Variants in DOCK9 observed in about 807,000 individuals in gnomAD.
DOCK9 encodes the protein dedicator of cytokinesis 9.
DOCK9 carries 89 observed loss-of-function variants against 263.3 expected under a neutral mutation model. The ratio of observed to expected loss-of-function variants is 0.34; its 90% CI spans 0.28 to 0.40. The LOEUF is 0.40. DOCK9 is among the 10% of genes least tolerant of loss of function. The probability of loss-of-function intolerance (pLI) is 1.00; values close to 1 mark genes in which losing one functional copy is unlikely to be tolerated. For missense variants in DOCK9, 2,140 were observed against 2,603.4 expected, an observed-to-expected ratio of 0.82 and a Z score of 3.87; for synonymous variants, 976 against 973.1, an observed-to-expected ratio of 1.00 and a Z score of -0.06.
chr13:98,918,511 C>G (rs532828461), intron 7 of DOCK9, among the ~76,000 whole-genome samples: 1 of 152,016 alleles, frequency 6.6e-6, no homozygotes, highest in Non-Finnish European at 1.5e-5. Context: ...AATCAAGACA[C>G]AACAACCAAA....
intron 47 of DOCK9, among the ~76,000 whole-genome samples, chr13:98,808,388 C>A (rs1447651185): frequency 6.6e-6 from 1 of 152,164 alleles, no homozygotes; most frequent in Non-Finnish European, 1.5e-5. Flanking sequence ...TAGCACCAAT[C>A]ATGTTTGACT....
At chr13:98,951,903 C>CTTGTTTTTTTTTTTTT (rs766422212) in intron 2 of DOCK9, among the ~76,000 whole-genome samples, 13 of 134,912 alleles carry the variant, frequency 9.6e-5, no homozygotes, top group African/African-American at 3.0e-4. Context: ...TTAATATTCC[C>CTTGTTTTTTTTTTTTT]TTTTTTTTTT....
chr13:98,999,815 G>T lies in DOCK9; in HGVS notation c.130-44264C>A, dbSNP rs61575039. On this transcript the variant is annotated intron_variant, in intron 1 of 32. Transcript: ENST00000427887. ...AACTGGTCACAAAGAGTATGATTTG[G>T]ACAGAAGCCTGTATCCTTCTGTAAC... Among the ~76,000 whole-genome samples the T allele has an allele frequency of 9.7e-3, 1,477 of 152,212 alleles. 23 individuals are homozygous for T. Among genetic ancestry groups the T allele is most frequent in the African/African-American group, 0.034 (1,400 of 41,518 alleles).
At chr13:98,912,412 A>G (rs2050203631) in intron 9 of DOCK9, among the ~76,000 whole-genome samples, 1 of 152,210 alleles carries the variant, frequency 6.6e-6, no homozygotes, top group African/African-American at 2.4e-5. Flanking sequence ...TGCAAATTAT[A>G]CCTCAATAAA....
At chr13:98,864,732 A>C (rs2093970713) in intron 30 of DOCK9, among the ~76,000 whole-genome samples, 1 of 152,100 alleles carries the variant, frequency 6.6e-6, no homozygotes, top group African/African-American at 2.4e-5. Flanking sequence ...TCCCCTCTGA[A>C]TCTCATGTTG....
At chr13:98,832,086 G>C (rs1372710100) in intron 39 of DOCK9, 4 of 273,210 alleles carry the variant, frequency 1.5e-5, no homozygotes, top group Non-Finnish European at 2.1e-5. Context: ...TCCACCAGCA[G>C]CTGATACAGA....
intron 1 of DOCK9, among the ~76,000 whole-genome samples, chr13:98,971,013 C>G (rs2059678898): frequency 6.6e-6 from 1 of 152,172 alleles, no homozygotes; most frequent in Non-Finnish European, 1.5e-5. Context: ...AGCTTAAAAC[C>G]TGAAACTAAA....
intron 27 of DOCK9, chr13:98,871,667 G>A (rs937061849): frequency 1.3e-5 from 2 of 152,202 alleles, no homozygotes; most frequent in African/African-American, 4.8e-5. Context: ...AGAAGAGGAC[G>A]CTGAGACACT....
intron 1 of DOCK9, among the ~76,000 whole-genome samples, chr13:98,967,032 T>C (rs2059277763): frequency 6.6e-6 from 1 of 152,242 alleles, no homozygotes. Context: ...TGCCCATTCA[T>C]GTTTGATAAC....
At position 98,883,228 on chromosome 13, in the gene DOCK9, ATGTTGT is replaced by A. The variant is rs368231464; in HGVS notation, c.2470-103_2470-98del. The A allele has an allele frequency of 1.3e-4, 143 of 1,075,130 alleles. 2 individuals carry two copies. In the East Asian group the frequency reaches 2.6e-3, roughly 20 times the overall value. The allele number at this position is 1,075,130 out of a possible 1,614,324, so 66.6% of individuals were successfully genotyped here. A position where few individuals can be genotyped will look rare whatever the true frequency, so the allele number is the denominator to read the frequency against. The stretch of plus-strand genomic sequence containing the variant: ...TTCTTGCAGCATGCTTTTTTGCTGT[ATGTTGT>A]TGTTGTTGTTGTTGTTGTTGCTGTT... On this transcript the variant is annotated intron_variant, in intron 22 of 52. Transcript: ENST00000682017.
Position 98,977,986 on chromosome 13 carries a change from G to T in DOCK9, c.-77C>A. The T allele has an allele frequency of 6.7e-7, 1 of 1,495,540 alleles. No individual in the cohort carries two copies. 92.6% of individuals were successfully genotyped at this position (1,495,540 alleles called of 1,614,324 possible). On this transcript the variant is annotated 5_prime_UTR_variant, in exon 1 of 53. Transcript: ENST00000682017. ...CCCTGGCCGTGCAAGGCACAGGCATGCCAGTGGTCCAAGGAAGGAAAGGAA... is the reference window on the plus strand; with the variant it reads ...CCCTGGCCGTGCAAGGCACAGGCATTCCAGTGGTCCAAGGAAGGAAAGGAA...
In DOCK9 at chr13:98,837,543, A is replaced by G; in HGVS notation, c.4265T>C (p.Val1422Ala). 1 of 1,613,836 alleles carries G rather than the reference A, an allele frequency of 6.2e-7. No homozygotes were observed. The highest frequency in any genetic ancestry group is 2.2e-5 in the East Asian group (1 of 44,874). Residue 1422 changes from valine (V) to alanine (A), a missense_variant, in exon 39 of 53, where the codon GTT becomes GCT. Physicochemically the swap from Val to Ala is moderately conservative, Grantham distance 64. This residue lies in a region of DOCK9 where 1,521 missense variants were observed against 1,741.7 expected (regional missense o/e 0.87). Transcript: ENST00000682017. Reference protein sequence around the residue: ...SLLEANIATEVCLTALDTLSL... With the variant: ...SLLEANIATEACLTALDTLSL... ...AAGCGTGTCCAGAGCTGTCAGGCAA[A>G]CCTCAGTAGCAATGTTGGCTTCAAG...
chr13:99,021,885 C>T (rs911666100), intron 1 of DOCK9, among the ~76,000 whole-genome samples: 2 of 151,834 alleles, frequency 1.3e-5, no homozygotes, highest in African/African-American at 4.8e-5. Context: ...ACCTAGATGA[C>T]GGGTTGATAG....
At chr13:98,848,509 C>A (rs183441712) in intron 37 of DOCK9, 83 bp downstream of exon 37, 1 of 1,456,972 alleles carries the variant, frequency 6.9e-7, no homozygotes, top group Non-Finnish European at 9.4e-7. Context: ...CAACTGCCAA[C>A]CGCCACTGAT....
intron 38 of DOCK9, among the ~76,000 whole-genome samples, chr13:98,841,277 T>C (rs1238021847): frequency 5.8e-4 from 89 of 152,350 alleles, no homozygotes; most frequent in Non-Finnish European, 1.6e-4. Context: ...CTTCCCTGTG[T>C]CTTTTTTAAA....
At chr13:98,974,683 G>A (rs2060050439) in intron 1 of DOCK9, among the ~76,000 whole-genome samples, 1 of 144,738 alleles carries the variant, frequency 6.9e-6, no homozygotes, top group African/African-American at 2.5e-5. Context: ...TCAGGAGGCG[G>A]AGGTTACAGT....
intron 38 of DOCK9, among the ~76,000 whole-genome samples, chr13:98,844,395 G>A (rs1485526585): frequency 1.3e-5 from 2 of 151,338 alleles, no homozygotes; most frequent in Admixed American, 6.6e-5. Context: ...ATAGGGTCTT[G>A]TTCTGTCACC....
intron 45 of DOCK9, among the ~76,000 whole-genome samples, chr13:98,819,542 C>A (rs2092131939): frequency 6.6e-6 from 1 of 152,198 alleles, no homozygotes; most frequent in South Asian, 2.1e-4. Context: ...GCCAAGGAAG[C>A]CCAGTCCACA....
chr13:98,817,655 T>A (rs2091974358), intron 45 of DOCK9, among the ~76,000 whole-genome samples: 1 of 151,278 alleles, frequency 6.6e-6, no homozygotes, highest in Non-Finnish European at 1.5e-5. Flanking sequence ...AATAAGTGAA[T>A]AGTTTAATAA....
Sources: allele counts gnomAD v4.1 joint callset (sites outside exome capture counted in the v4.1 genomes callset), GRCh38; gene constraint gnomAD v4.1.1; regional missense constraint gnomAD v4.1.1; transcripts MANE v1.5; gene names NCBI Gene and HGNC (gene_info 2026-07-23, HGNC 2026-07-21).